The following DIS3 variants were observed in gnomAD, a reference collection of about 807,000 sequenced individuals.
DIS3 encodes the protein DIS3 exosome endoribonuclease and 3'-5' exoribonuclease.
Under a neutral mutation model 113.0 loss-of-function variants are expected in DIS3, and 103 were observed. The ratio of observed to expected loss-of-function variants is 0.91; its 90% CI spans 0.78 to 1.07. The LOEUF (loss-of-function observed/expected upper bound fraction) is 1.07. Ranked by LOEUF, DIS3 falls within the 50% of genes least tolerant of loss-of-function variation. The pLI is 0.00. For synonymous variants in DIS3, 402 were observed against 394.3 expected, an observed-to-expected ratio of 1.02 and a Z score of -0.23; for missense variants, 1,121 against 1,167.1, an observed-to-expected ratio of 0.96 and a Z score of 0.58.
At position 72,780,946 on chromosome 13, in the gene DIS3, G is replaced by C. The variant is rs377703744; in HGVS notation, c.286C>G (p.Gln96Glu). Reference sequence around the variant, plus strand: ...GGGGCACTGCGATTTCTCACTTCTTGAAGAACTGTTTGTAGCACAATTACA... The same window carrying C: ...GGGGCACTGCGATTTCTCACTTCTTCAAGAACTGTTTGTAGCACAATTACA... ...RNVIVLQTVL[Q>E]EVRNRSAPVY... The change falls in exon 2 of 21, where the codon CAA (glutamine) becomes GAA (glutamate). Residue 96 changes from glutamine (Q) to glutamate (E), a missense_variant. Gln to Glu is a conservative substitution (Grantham distance 29, BLOSUM62 2). Coordinates refer to ENST00000377767, the MANE Select transcript of DIS3 (RefSeq NM_014953.5). The C allele has an allele frequency of 1.2e-6, 2 of 1,613,360 alleles. No homozygotes were observed. Among genetic ancestry groups the C allele is most frequent in the Non-Finnish European group, 1.7e-6 (2 of 1,179,880 alleles).
At position 72,778,370 on chromosome 13, in the gene DIS3, C is replaced by T. The variant is rs142178858; in HGVS notation, c.397G>A (p.Val133Ile). 188 of 1,553,470 alleles carry T rather than the reference C, an allele frequency of 1.2e-4. 1 individual carries two copies. The highest frequency in any genetic ancestry group is 5.0e-4 in the South Asian group (42 of 83,968). The change falls in exon 3 of 21, where the codon GTA (valine) becomes ATA (isoleucine). Residue 133 changes from valine (V) to isoleucine (I), a missense_variant. By Grantham distance (29) the Val-to-Ile change is conservative. Coordinates refer to ENST00000377767, the MANE Select transcript of DIS3 (RefSeq NM_014953.5). The stretch of plus-strand genomic sequence containing the variant: ...GCATTTTCTCCCTGTTCTTGTTCTA[C>T]ATAGGTTTCTCTAAATGGAAAGAAA... ...FTNEHHRETYVEQEQGENAND... is the reference protein window; with the variant it reads ...FTNEHHRETYIEQEQGENAND...
At chr13:72,774,610 A>T (rs1033337504) in intron 6 of DIS3, among the ~76,000 whole-genome samples, 2 of 152,166 alleles carry the variant, frequency 1.3e-5, no homozygotes, top group East Asian at 3.8e-4. Context: ...TTTTATAGTG[A>T]GACTCCAGAG....
chr13:72,761,439 G>A lies in DIS3; in HGVS notation c.2594C>T (p.Pro865Leu). ...VRKNAIVVLI[P>L]KYGLEGTVFF... ...GACTGTCCCTTCTAAACCATACTTT[G>A]GAATTAATACCACAATGGCATTCTT... Residue 865 changes from proline (P) to leucine (L), a missense_variant, in exon 19 of 21, where the codon CCA becomes CTA. Pro to Leu is a moderately conservative substitution (Grantham distance 98). This residue lies in a region of DIS3 where 861 missense variants were observed against 915.5 expected (regional missense o/e 0.94). Coordinates refer to ENST00000377767, the MANE Select transcript of DIS3 (RefSeq NM_014953.5). 6.2e-7 allele frequency: 1 copy of A among 1,611,472 alleles called. No individual in the cohort carries two copies. The highest frequency in any genetic ancestry group is 1.3e-5 in the African/African-American group (1 of 74,814).
In DIS3 at chr13:72,763,496, T is replaced by C; in HGVS notation, c.2082A>G (p.Pro694=). Residue 694 remains proline (P), a synonymous_variant, in exon 16 of 21, where the codon CCA becomes CCG. Coordinates refer to ENST00000377767, the MANE Select transcript of DIS3 (RefSeq NM_014953.5). The part of the protein sequence containing the change: ...EHALLRKHPA[P]PPSNYEILVK... ...CAAGAATTTCATAATTTGATGGAGG[T>C]GGAGCAGGATGTTTTCGAAGCAGAG... is the stretch of plus-strand genomic sequence containing the variant. 1 of 1,613,784 alleles carries C rather than the reference T, an allele frequency of 6.2e-7. No individual in the cohort carries two copies. The highest frequency in any genetic ancestry group is 8.5e-7 in the Non-Finnish European group (1 of 1,179,906).
At position 72,757,929 on chromosome 13, in the gene DIS3, CT is replaced by C. The variant is rs2033531422; in HGVS notation, c.*1865del. ...CCATGGTAACATCATAGTGAAATTA[CT>C]TTATGTAGCCTAAGTATATAGTGTT... On this transcript the variant is annotated 3_prime_UTR_variant, in exon 21 of 21. Transcript: ENST00000377767. 5.0e-6 allele frequency: 1 copy of C among 201,058 alleles called. No individual in the cohort carries two copies. 12.5% of individuals were successfully genotyped at this position (201,058 alleles called of 1,614,324 possible). A position where few individuals can be genotyped will look rare whatever the true frequency, so the allele number is the denominator to read the frequency against.
chr13:72,770,888 TAGCCA>T lies in DIS3; in HGVS notation c.1755+11_1755+15del. ...AAAAAGTTTAAAAATTAGAGATTAA[TAGCCA>T]TGAAACGAACCTTTGAATTAATAAC... On this transcript the variant is annotated intron_variant, in intron 13 of 20. Transcript: ENST00000377767. 1 of 1,555,028 alleles carries T rather than the reference TAGCCA, an allele frequency of 6.4e-7. No individual in the cohort carries two copies.
At position 72,768,727 on chromosome 13, in the gene DIS3, G is replaced by T. The variant is rs1216230375; in HGVS notation, c.1883+58C>A. On this transcript the variant is annotated intron_variant, in intron 14 of 20. Transcript: ENST00000377767. ...TTTTAAATAATTCATCATTGCCTAT[G>T]ATCAAACAATGTAAAGAGTATAAAA... 4 of 1,313,802 alleles carry T rather than the reference G, an allele frequency of 3.0e-6. No individual in the cohort carries two copies. The Admixed American group carries it at 6.6e-5, about 22-fold the overall frequency. The allele number at this position is 1,313,802 out of a possible 1,614,324, so 81.4% of individuals were successfully genotyped here.
chr13:72,761,433 T>C lies in DIS3; in HGVS notation c.2600A>G (p.Tyr867Cys). 6.2e-7 allele frequency: 1 copy of C among 1,612,160 alleles called. No homozygotes were observed. The highest frequency in any genetic ancestry group is 8.5e-7 in the Non-Finnish European group (1 of 1,179,530). Reference sequence around the variant, plus strand: ...AAAAAAGACTGTCCCTTCTAAACCATACTTTGGAATTAATACCACAATGGC... The same window carrying C: ...AAAAAAGACTGTCCCTTCTAAACCACACTTTGGAATTAATACCACAATGGC... Reference protein sequence around the residue: ...KNAIVVLIPKYGLEGTVFFEE... With the variant: ...KNAIVVLIPKCGLEGTVFFEE... Residue 867 changes from tyrosine to cysteine, a missense_variant, in exon 19 of 21, where the codon TAT (tyrosine) becomes TGT (cysteine). Tyr to Cys is a radical substitution (Grantham distance 194). Coordinates refer to ENST00000377767, the MANE Select transcript of DIS3 (RefSeq NM_014953.5).
Position 72,756,175 on chromosome 13 carries a change from G to GAATAATTCATATGGACCCTTAGGA in DIS3, c.*3619_*3620insTCCTAAGGGTCCATATGAATTATT. On this transcript the variant is annotated 3_prime_UTR_variant, in exon 21 of 21. Transcript: ENST00000377767. ...TTTAAAAACTGTCTCATTCAAAAGG[G>GAATAATTCATATGGACCCTTAGGA]AATAAAGACCTGTGTTATCAATGTG... is the stretch of plus-strand genomic sequence containing the variant. 1 of 375,438 alleles carries GAATAATTCATATGGACCCTTAGGA rather than the reference G, an allele frequency of 2.7e-6. No individual in the cohort carries two copies. The highest frequency in any genetic ancestry group is 4.7e-6 in the Non-Finnish European group (1 of 212,194). The allele number at this position is 375,438 out of a possible 1,614,324, so 23.3% of individuals were successfully genotyped here. A position where few individuals can be genotyped will look rare whatever the true frequency, so the allele number is the denominator to read the frequency against.
chr13:72,771,750 C>T, intron 11 of DIS3, 45 bp downstream of exon 11: 1 of 1,573,346 alleles, frequency 6.4e-7, no homozygotes, highest in Non-Finnish European at 8.7e-7. Flanking sequence ...TTTAAGAATC[C>T]TTAAGTGTCC....
Position 72,768,810 on chromosome 13 carries a change from G to A in DIS3, c.1858C>T (p.Leu620=). 6.2e-7 allele frequency: 1 copy of A among 1,601,430 alleles called. No individual in the cohort carries two copies. Among genetic ancestry groups the A allele is most frequent in the Non-Finnish European group, 8.5e-7 (1 of 1,173,924 alleles). Residue 620 remains leucine, a synonymous_variant, in exon 14 of 21, where the codon CTG becomes TTG. Transcript: ENST00000377767. ...LRGLNKLAKI[L]KKRRIEKGAL... ...CCTTTTTCAATCCTTCTTTTCTTCA[G>A]AATTTTGGCTAGTTTATTCAGTCCA... is the stretch of plus-strand genomic sequence containing the variant.
At chr13:72,768,678 AG>A in intron 14 of DIS3, 106 bp downstream of exon 14, 1 of 817,964 alleles carries the variant, frequency 1.2e-6, no homozygotes. Context: ...GGAAGCTAGA[AG>A]AAACAGGAGT....
rs569335345 is a variant in DIS3, at chr13:72,764,617, A to G, written c.1971-1010T>C. On this transcript the variant is annotated intron_variant, in intron 15 of 20. Transcript: ENST00000377767. ...ATTCTCTATATAGTTATTCACATAC[A>G]TTTTTCGGTTAGTTTAGTAAATGAT... Among the ~76,000 whole-genome samples, 28 of 152,290 alleles carry G rather than the reference A, an allele frequency of 1.8e-4. No homozygotes were observed. In the South Asian group the frequency reaches 5.8e-3, roughly 32 times the overall value.
chr13:72,780,930 C>T lies in DIS3; in HGVS notation c.302G>A (p.Arg101His), dbSNP rs770160151. The change falls in exon 2 of 21, where the codon CGC becomes CAC. Residue 101 changes from arginine to histidine, a missense_variant. Coordinates refer to ENST00000377767, the MANE Select transcript of DIS3 (RefSeq NM_014953.5). ...GATGCGTTTATATACGGGGGCACTG[C>T]GATTTCTCACTTCTTGAAGAACTGT... ...LQTVLQEVRN[R>H]SAPVYKRIRD... The T allele has an allele frequency of 6.2e-7, 1 of 1,613,086 alleles. No homozygotes were observed. The highest frequency in any genetic ancestry group is 1.7e-5 in the Admixed American group (1 of 59,820).
At chr13:72,768,305 G>A (rs1369492566) in intron 14 of DIS3, among the ~76,000 whole-genome samples, 1 of 152,032 alleles carries the variant, frequency 6.6e-6, no homozygotes, top group East Asian at 1.9e-4. Context: ...AAATTACAAG[G>A]ATGGAACTCC....
rs781131454 is a variant in DIS3, at chr13:72,755,247, T to TAAGA, written c.*4544_*4547dup. ...CTCTGTCAGAATCAAAGACTAAGCT[T>TAAGA]AAGAGTTCCTCGCATATATCGTTGT... On this transcript the variant is annotated 3_prime_UTR_variant, in exon 21 of 21. Coordinates refer to ENST00000377767, the MANE Select transcript of DIS3 (RefSeq NM_014953.5). 6.4e-7 allele frequency: 1 copy of TAAGA among 1,560,596 alleles called. No individual in the cohort carries two copies. Among genetic ancestry groups the TAAGA allele is most frequent in the Non-Finnish European group, 8.8e-7 (1 of 1,132,974 alleles).
chr13:72,756,061 A>AT lies in DIS3; in HGVS notation c.*3733_*3734insA, dbSNP rs1555273776. On this transcript the variant is annotated 3_prime_UTR_variant, in exon 21 of 21. Transcript: ENST00000377767. ...GTTATATACAACTATTTTTTTAAAA[A>AT]ACTTATATCCATGTTGGGAGTAGAT... is the stretch of plus-strand genomic sequence containing the variant. The AT allele has an allele frequency of 7.3e-5, 29 of 398,164 alleles. No homozygotes were observed. The highest frequency in any genetic ancestry group is 2.6e-4 in the Admixed American group (6 of 22,722). The allele number at this position is 398,164 out of a possible 1,614,324, so 24.7% of individuals were successfully genotyped here. A position where few individuals can be genotyped will look rare whatever the true frequency, so the allele number is the denominator to read the frequency against.
chr13:72,777,598 T>C (rs530864669), intron 3 of DIS3, 105 bp from the exon 4 acceptor site: 6 of 941,494 alleles, frequency 6.4e-6, no homozygotes, highest in Admixed American at 2.1e-5. Context: ...CTTTCATTCA[T>C]TGAGACACAC....
rs1252007857 is a variant in DIS3, at chr13:72,758,591, C to A, written c.*1204G>T. On this transcript the variant is annotated 3_prime_UTR_variant, in exon 21 of 21. Transcript: ENST00000377767. ...GTGTCACTGACCCATTTTACCTGGA[C>A]CAAAGACTACTCAAGTCTATTTTCC... The A allele has an allele frequency of 1.4e-5, 3 of 220,048 alleles. No homozygotes were observed. Among genetic ancestry groups the A allele is most frequent in the Non-Finnish European group, 2.7e-5 (3 of 109,814 alleles). 13.6% of individuals were successfully genotyped at this position (220,048 alleles called of 1,614,324 possible).
Sources: gnomAD v4.1 joint callset for allele counts (sites outside exome capture counted in the v4.1 genomes callset) on GRCh38, gnomAD v4.1.1 for gene constraint, gnomAD v4.1.1 regional missense constraint, MANE v1.5 for transcripts, NCBI Gene and HGNC (gene_info 2026-07-23, HGNC 2026-07-21) for gene names.